The following GPC5 variants were observed in gnomAD, a reference collection of about 807,000 sequenced individuals.
GPC5 encodes glypican-5.
Under a neutral mutation model 53.9 loss-of-function variants are expected in GPC5, and 47 were observed. That is an observed-to-expected ratio of 0.87 (90% CI 0.69 to 1.11). GPC5 has a LOEUF of 1.11. GPC5 is among the 50% of genes most tolerant of loss of function. The pLI, the probability that GPC5 is intolerant of heterozygous loss-of-function variation, is 0.00. For missense variants in GPC5, 748 were observed against 713.1 expected (o/e 1.05, Z -0.56); for synonymous variants, 286 against 263.3 (o/e 1.09, Z -0.84).
intron 6 of GPC5, among the ~76,000 whole-genome samples, chr13:92,039,852 C>A (rs2040928183): frequency 6.6e-6 from 1 of 152,066 alleles, no homozygotes; most frequent in Non-Finnish European, 1.5e-5. Flanking sequence ...TTCGTTTTAC[C>A]TTAATTACCT....
chr13:91,819,890 G>A (rs771816719), intron 5 of GPC5, among the ~76,000 whole-genome samples: 35 of 152,144 alleles, frequency 2.3e-4, no homozygotes, highest in Non-Finnish European at 3.2e-4. Context: ...CACATCCTCC[G>A]CAACACATAG....
intron 5 of GPC5, among the ~76,000 whole-genome samples, chr13:91,883,746 A>G (rs943576334): frequency 6.6e-6 from 1 of 152,218 alleles, no homozygotes; most frequent in Non-Finnish European, 1.5e-5. Context: ...CTGTTCCTCA[A>G]ACTGGCATGG....
At chr13:92,629,937 A>C (rs144322011) in intron 7 of GPC5, among the ~76,000 whole-genome samples, 2 of 152,366 alleles carry the variant, frequency 1.3e-5, no homozygotes, top group Admixed American at 1.3e-4. Context: ...CTTGAGGAAA[A>C]ACAACGATAA....
intron 7 of GPC5, among the ~76,000 whole-genome samples, chr13:92,852,378 T>G (rs1878846462): frequency 6.6e-6 from 1 of 151,882 alleles, no homozygotes; most frequent in East Asian, 1.9e-4. Context: ...TTTAACTAGG[T>G]CAAAGGTGAT....
At chr13:92,388,185 A>G (rs552094265) in intron 7 of GPC5, among the ~76,000 whole-genome samples, 1 of 152,214 alleles carries the variant, frequency 6.6e-6, no homozygotes, top group East Asian at 1.9e-4. Context: ...TTAAAGGTTC[A>G]TACTTCGTGA....
At chr13:92,525,965 G>A (rs1050548443) in intron 7 of GPC5, among the ~76,000 whole-genome samples, 2 of 152,026 alleles carry the variant, frequency 1.3e-5, no homozygotes, top group African/African-American at 4.8e-5. Flanking sequence ...AGATATCATT[G>A]CAATTTCTAT....
chr13:91,474,863 C>T (rs1475153783), intron 2 of GPC5, among the ~76,000 whole-genome samples: 3 of 151,950 alleles, frequency 2.0e-5, no homozygotes, highest in Non-Finnish European at 4.4e-5. Flanking sequence ...AACACTTACA[C>T]TTATTGGATA....
chr13:92,227,847 AT>A, intron 7 of GPC5, among the ~76,000 whole-genome samples: 1 of 152,204 alleles, frequency 6.6e-6, no homozygotes, highest in East Asian at 1.9e-4. Context: ...ATAAGGTATA[AT>A]TTTTGACTTC....
intron 7 of GPC5, among the ~76,000 whole-genome samples, chr13:92,563,471 G>T (rs917518247): frequency 6.6e-6 from 1 of 151,742 alleles, no homozygotes; most frequent in Non-Finnish European, 1.5e-5. Flanking sequence ...TATAATTTTT[G>T]TTGAAAAGGA....
intron 2 of GPC5, among the ~76,000 whole-genome samples, chr13:91,506,432 A>G (rs1884948699): frequency 6.6e-6 from 1 of 152,228 alleles, no homozygotes; most frequent in South Asian, 2.1e-4. Context: ...CTATTGCAGT[A>G]TAGTCTGGTT....
chr13:92,137,949 C>G (rs2041798039), intron 6 of GPC5, among the ~76,000 whole-genome samples: 1 of 152,048 alleles, frequency 6.6e-6, no homozygotes, highest in Non-Finnish European at 1.5e-5. Context: ...TTTAGGTTCA[C>G]CTATTATAAA....
At chr13:92,257,405 T>C (rs1038158899) in intron 7 of GPC5, among the ~76,000 whole-genome samples, 1 of 152,048 alleles carries the variant, frequency 6.6e-6, no homozygotes, top group Non-Finnish European at 1.5e-5. Context: ...TGTTTAGAGA[T>C]ATTGTGATTA....
At chr13:92,609,529 A>G (rs1444788800) in intron 7 of GPC5, among the ~76,000 whole-genome samples, 1 of 152,166 alleles carries the variant, frequency 6.6e-6, no homozygotes, top group African/African-American at 2.4e-5. Flanking sequence ...CAAAAAATAG[A>G]GTGCTTTGTG....
At chr13:92,241,579 T>C (rs2042611866) in intron 7 of GPC5, 1 of 152,226 alleles carries the variant, frequency 6.6e-6, no homozygotes, top group African/African-American at 2.4e-5. Context: ...TAGATGGTTT[T>C]ATTTCTGTGG....
At chr13:92,501,924 C>A (rs762518756) in intron 7 of GPC5, among the ~76,000 whole-genome samples, 2 of 152,002 alleles carry the variant, frequency 1.3e-5, no homozygotes, top group Non-Finnish European at 2.9e-5. Flanking sequence ...GAATCTGTTG[C>A]TGTCAGAATT....
In GPC5 at chr13:91,693,355, G is replaced by A. The variant is rs748697208; in HGVS notation, c.494G>A (p.Arg165Lys). The A allele has an allele frequency of 1.9e-6, 3 of 1,614,028 alleles. No individual in the cohort carries two copies. Among genetic ancestry groups the A allele is most frequent in the African/African-American group, 2.7e-5 (2 of 74,928 alleles). Residue 165 changes from arginine to lysine, a missense_variant, in exon 3 of 8, where the codon AGA becomes AAA. Arg to Lys is a conservative substitution (Grantham distance 26). Transcript: ENST00000377067. ...ADVNPEEFVN[R>K]FFDSLFPLVY... is the part of the protein sequence containing the mutation. ...GTTAATCCTGAAGAATTTGTAAACA[G>A]ATTTTTTGACAGTCTTTTTCCTCTG...
At chr13:91,558,434 A>G (rs909623019) in intron 2 of GPC5, among the ~76,000 whole-genome samples, 1 of 152,056 alleles carries the variant, frequency 6.6e-6, no homozygotes, top group Non-Finnish European at 1.5e-5. Context: ...GTGGCTTATA[A>G]TATTGGATGT....
chr13:91,855,091 T>A, intron 5 of GPC5, among the ~76,000 whole-genome samples: 1 of 151,918 alleles, frequency 6.6e-6, no homozygotes, highest in South Asian at 2.1e-4. Context: ...CTCATTTGAA[T>A]TTTTTAATCC....
At chr13:91,649,723 A>G (rs1313409956) in intron 2 of GPC5, among the ~76,000 whole-genome samples, 4 of 152,152 alleles carry the variant, frequency 2.6e-5, no homozygotes, top group African/African-American at 7.2e-5. Context: ...TCTCTGTAGC[A>G]TGACTGGATA....
Sources: gnomAD v4.1 joint callset for allele counts (sites outside exome capture counted in the v4.1 genomes callset) on GRCh38, gnomAD v4.1.1 for gene constraint, MANE v1.5 for transcripts, NCBI Gene and HGNC (gene_info 2026-07-23, HGNC 2026-07-21) for gene names.